Variants in CLEC16A observed in about 807,000 individuals in gnomAD.
CLEC16A encodes the protein protein CLEC16A.
In CLEC16A, 51 loss-of-function variants were observed where a neutral mutation model predicts 109.5. That is an observed-to-expected ratio of 0.47 (90% confidence interval 0.37 to 0.59). The LOEUF is 0.59. Ranked by LOEUF, CLEC16A falls within the 20% of genes least tolerant of loss-of-function variation. The pLI, the probability that CLEC16A is intolerant of heterozygous loss-of-function variation, is 0.00. For synonymous variants in CLEC16A, 673 were observed against 564.2 expected (o/e 1.19, Z -2.73); for missense variants, 1,339 against 1,394.0 (o/e 0.96, Z 0.63).
At position 10,944,613 on chromosome 16, in the gene CLEC16A, G is replaced by GCCT; in HGVS notation, c.-102_-100dup. 1 of 1,122,712 alleles carries GCCT rather than the reference G, an allele frequency of 8.9e-7. No individual in the cohort carries two copies. The highest frequency in any genetic ancestry group is 1.6e-5 in the African/African-American group (1 of 64,318). The allele number at this position is 1,122,712 out of a possible 1,614,324, so 69.5% of individuals were successfully genotyped here. On this transcript the variant is annotated 5_prime_UTR_variant, in exon 1 of 24. Coordinates refer to ENST00000409790, the MANE Select transcript of CLEC16A (RefSeq NM_015226.3). Reference sequence around the variant, plus strand: ...GAAGGCGGCTCGCGGTTCCTCCACCGCCTCCGCCGCCGCATCCTCCGCTTG... The same window carrying GCCT: ...GAAGGCGGCTCGCGGTTCCTCCACCGCCTCCTCCGCCGCCGCATCCTCCGCTTG...
Position 11,178,462 on chromosome 16 carries a change from C to T in CLEC16A, c.2934C>T (p.Ser978=), listed in dbSNP as rs201954047. The T allele has an allele frequency of 9.0e-5, 145 of 1,613,510 alleles. No individual in the cohort carries two copies. Among genetic ancestry groups the T allele is most frequent in the Non-Finnish European group, 4.7e-5 (55 of 1,179,888 alleles). ...GGAGCGCAGCCGTGGAGACAGCCAGCCTGTCCCCCAGCCTCGTCCCTGCCC... is the reference window on the plus strand; with the variant it reads ...GGAGCGCAGCCGTGGAGACAGCCAGTCTGTCCCCCAGCCTCGTCCCTGCCC... ...VARSAAVETA[S]LSPSLVPARQ... Residue 978 remains serine, a synonymous_variant, in exon 24 of 24, where the codon AGC becomes AGT. Transcript: ENST00000409790. The surrounding 1 kb of genome is among the most constrained non-coding windows in gnomAD (Gnocchi z 6.5).
intron 5 of CLEC16A, 103 bp from the exon 6 acceptor site, chr16:10,972,451 C>T: frequency 9.9e-7 from 1 of 1,007,912 alleles, no homozygotes; most frequent in South Asian, 1.3e-5. Context: ...CCTAGTCTCT[C>T]TCCCTCTGAG....
intron 19 of CLEC16A, among the ~76,000 whole-genome samples, chr16:11,077,963 ACGTGTGT>A (rs1235300719): frequency 6.6e-4 from 81 of 122,216 alleles, no homozygotes; most frequent in African/African-American, 2.5e-3. Flanking sequence ...ACAAAAAAAA[ACGTGTGT>A]GTGTGTGTGT....
intron 19 of CLEC16A, among the ~76,000 whole-genome samples, chr16:11,111,609 A>G (rs970088990): frequency 1.3e-5 from 2 of 152,218 alleles, no homozygotes; most frequent in African/African-American, 2.4e-5. Context: ...TTTGGAAAGT[A>G]TAGTCCGTAA....
At chr16:11,131,298 G>T (rs1187812238) in intron 22 of CLEC16A, among the ~76,000 whole-genome samples, 1 of 152,194 alleles carries the variant, frequency 6.6e-6, no homozygotes, top group African/African-American at 2.4e-5. Context: ...CTGTCATGAT[G>T]GGCAGGGTGT....
chr16:11,014,536 AAG>A (rs1475490241), intron 11 of CLEC16A, among the ~76,000 whole-genome samples: 1 of 152,256 alleles, frequency 6.6e-6, no homozygotes, highest in Non-Finnish European at 1.5e-5. Flanking sequence ...AGTGAAAAAA[AAG>A]TAATAGTTCA....
intron 13 of CLEC16A, among the ~76,000 whole-genome samples, chr16:11,037,703 T>C (rs887106191): frequency 1.2e-4 from 19 of 152,096 alleles, no homozygotes; most frequent in African/African-American, 4.1e-4. Flanking sequence ...TGCTATCCTC[T>C]CTGAAGCGGA....
At chr16:11,121,879 CAAAAAAAAAAAAAA>C (rs536067685) in intron 20 of CLEC16A, among the ~76,000 whole-genome samples, 40 of 29,844 alleles carry the variant, frequency 1.3e-3, no homozygotes, top group East Asian at 5.6e-3. Flanking sequence ...GACCCTGTCT[CAAAAAAAAAAAAAA>C]AAAAAAAAAA....
chr16:11,070,897 C>G (rs2152925310), intron 19 of CLEC16A: 1 of 152,384 alleles, frequency 6.6e-6, no homozygotes, highest in South Asian at 2.1e-4. Context: ...AAACCGTACC[C>G]CAAATTCTTG....
chr16:11,037,136 C>G (rs1411184329), intron 13 of CLEC16A, among the ~76,000 whole-genome samples: 1 of 152,218 alleles, frequency 6.6e-6, no homozygotes, highest in African/African-American at 2.4e-5. Flanking sequence ...CGCTAGGCTT[C>G]TCATTCCTGC....
At chr16:11,166,162 G>T (rs1312855549) in intron 22 of CLEC16A, among the ~76,000 whole-genome samples, 1 of 152,232 alleles carries the variant, frequency 6.6e-6, no homozygotes, top group Non-Finnish European at 1.5e-5. Context: ...CAGCTCTGTG[G>T]CTGGTTGTAC....
chr16:11,021,572 A>G lies in CLEC16A; in HGVS notation c.1436+1247A>G, dbSNP rs1597082916. Among the ~76,000 whole-genome samples, 3 of 152,052 alleles carry G rather than the reference A, an allele frequency of 2.0e-5. No individual in the cohort carries two copies. In the South Asian group the frequency reaches 6.2e-4, roughly 32 times the overall value. ...TAGCGCTTTGGGAGGCCAAGGGGGG[A>G]GGATCACTTGAACCCAGGAGTTTGT... On this transcript the variant is annotated intron_variant, in intron 12 of 23. Transcript: ENST00000409790.
intron 7 of CLEC16A, among the ~76,000 whole-genome samples, chr16:10,976,532 T>C (rs948131814): frequency 2.0e-5 from 3 of 152,208 alleles, no homozygotes; most frequent in Admixed American, 6.5e-5. Flanking sequence ...TGCTTTTATA[T>C]TTTAATTTGC....
Position 10,961,972 on chromosome 16 carries a change from T to TG in CLEC16A, c.210-483_210-482insG, listed in dbSNP as rs557778475. ...GAACTTTTTTTTCTTTTTTTTCTTT[T>TG]TTTTTTTTTTGGCTCTGTCACCCAG... is the stretch of plus-strand genomic sequence containing the variant. On this transcript the variant is annotated intron_variant, in intron 2 of 23. Coordinates refer to ENST00000409790, the MANE Select transcript of CLEC16A (RefSeq NM_015226.3). The surrounding 1 kb of genome is among the most constrained non-coding windows in gnomAD (Gnocchi z 4.3). Among the ~76,000 whole-genome samples the TG allele has an allele frequency of 6.2e-4, 93 of 150,204 alleles. No individual in the cohort carries two copies. Among genetic ancestry groups the TG allele is most frequent in the Non-Finnish European group, 1.1e-3 (75 of 67,542 alleles).
chr16:11,051,081 G>C (rs946188960), intron 17 of CLEC16A, among the ~76,000 whole-genome samples: 1 of 152,170 alleles, frequency 6.6e-6, no homozygotes, highest in South Asian at 2.1e-4. Context: ...ATCAGCTCTC[G>C]TTAAACGGAA....
chr16:11,123,715 C>T, intron 20 of CLEC16A, 27 bp from the exon 21 acceptor site: 1 of 1,612,464 alleles, frequency 6.2e-7, no homozygotes, highest in Non-Finnish European at 8.5e-7. Flanking sequence ...CCAACGAATG[C>T]CTTTTCCTTT....
Position 11,179,486 on chromosome 16 carries a change from C to G in CLEC16A, c.*796C>G, listed in dbSNP as rs200899020. The G allele has an allele frequency of 6.6e-6, 1 of 152,192 alleles. No individual in the cohort carries two copies. Among genetic ancestry groups the G allele is most frequent in the Non-Finnish European group, 1.5e-5 (1 of 68,042 alleles). 9.4% of individuals were successfully genotyped at this position (152,192 alleles called of 1,614,324 possible). The stretch of plus-strand genomic sequence containing the variant: ...CTGAATGGTTTTCTGCTATAGCAGC[C>G]GAGAGGCCTCCCATCATGGAAAGAT... On this transcript the variant is annotated 3_prime_UTR_variant, in exon 24 of 24. Coordinates refer to ENST00000409790, the MANE Select transcript of CLEC16A (RefSeq NM_015226.3).
intron 11 of CLEC16A, among the ~76,000 whole-genome samples, chr16:11,019,193 G>C (rs1020481287): frequency 6.6e-6 from 1 of 152,132 alleles, no homozygotes; most frequent in African/African-American, 2.4e-5. Context: ...AGTTCCAAAG[G>C]CTGACTGTTT....
intron 19 of CLEC16A, among the ~76,000 whole-genome samples, chr16:11,082,797 T>C (rs373746915): frequency 6.6e-6 from 1 of 152,322 alleles, no homozygotes; most frequent in East Asian, 1.9e-4. Flanking sequence ...AACTTCCATA[T>C]TTGGCAAATC....
Sources: allele counts gnomAD v4.1 joint callset (sites outside exome capture counted in the v4.1 genomes callset), GRCh38; gene constraint gnomAD v4.1.1; non-coding constraint Gnocchi (gnomAD v3.1); transcripts MANE v1.5; gene names NCBI Gene and HGNC (gene_info 2026-07-23, HGNC 2026-07-21).